Variants in DNAJC2 observed in about 807,000 individuals in gnomAD.
The protein encoded by DNAJC2 is dnaJ homolog subfamily C member 2.
Under a neutral mutation model 94.0 loss-of-function variants are expected in DNAJC2, and 32 were observed. The ratio of observed to expected loss-of-function variants is 0.34; its 90% CI spans 0.26 to 0.46. DNAJC2 has a LOEUF of 0.46. DNAJC2 is among the 20% of genes least tolerant of loss of function. DNAJC2 has a pLI of 1.00. For synonymous variants in DNAJC2, 210 were observed against 229.7 expected (o/e 0.91, Z 0.77); for missense variants, 550 against 719.5 (o/e 0.76, Z 2.69).
In DNAJC2 at chr7:103,330,351, A is replaced by C. The variant is rs531257752; in HGVS notation, c.332-2597T>G. Among the ~76,000 whole-genome samples, 5 of 152,126 alleles carry C rather than the reference A, an allele frequency of 3.3e-5. No individual in the cohort carries two copies. In the South Asian group the frequency reaches 1.0e-3, roughly 32 times the overall value. On this transcript the variant is annotated intron_variant, in intron 3 of 16. Transcript: ENST00000379263. ...CTCAGGCTGGAGCACAGTGGCACCC[A>C]ATCTCAGCTCACTGTAGTCTTAACC...
chr7:103,330,964 A>ATTTT (rs1040881184), intron 3 of DNAJC2, among the ~76,000 whole-genome samples: 1 of 139,306 alleles, frequency 7.2e-6, no homozygotes. Context: ...AACAAAATCC[A>ATTTT]TTTTTTTTTT....
At position 103,322,812 on chromosome 7, in the gene DNAJC2, T is replaced by G. The variant is rs779658631; in HGVS notation, c.720-18A>C. Reference sequence around the variant, plus strand: ...CATCACGACTATAAAATAGAAAATATTGGAAACAAACTACTGCTTATAGAT... The same window carrying G: ...CATCACGACTATAAAATAGAAAATAGTGGAAACAAACTACTGCTTATAGAT... On this transcript the variant is annotated intron_variant, in intron 7 of 16. Transcript: ENST00000379263. 2 of 1,583,680 alleles carry G rather than the reference T, an allele frequency of 1.3e-6. No individual in the cohort carries two copies. The highest frequency in any genetic ancestry group is 1.7e-6 in the Non-Finnish European group (2 of 1,165,378).
chr7:103,322,352 G>T (rs531378430), intron 9 of DNAJC2, among the ~76,000 whole-genome samples, 159 bp downstream of exon 9: 1 of 152,186 alleles, frequency 6.6e-6, no homozygotes, highest in South Asian at 2.1e-4. Flanking sequence ...TGGTAAGGAA[G>T]ATCTCTCAAT....
At chr7:103,314,421 G>A in intron 15 of DNAJC2, 5 of 985,338 alleles carry the variant, frequency 5.1e-6, no homozygotes, top group Non-Finnish European at 6.0e-6. Context: ...TACCCACATA[G>A]CACTACTGCC....
chr7:103,343,085 C>T (rs1012118936), intron 1 of DNAJC2, among the ~76,000 whole-genome samples: 49 of 151,892 alleles, frequency 3.2e-4, no homozygotes, highest in African/African-American at 1.1e-3. Flanking sequence ...CTGCAACCTC[C>T]GCCTCCCGGG....
At chr7:103,312,911 A>G (rs761880447) in intron 16 of DNAJC2, 36 bp downstream of exon 16, 2 of 1,587,566 alleles carry the variant, frequency 1.3e-6, no homozygotes, top group South Asian at 2.3e-5. Context: ...GCTACAATTT[A>G]AAATACAACA....
chr7:103,335,245 GA>G (rs1361002572), intron 3 of DNAJC2: 8 of 152,296 alleles, frequency 5.3e-5, no homozygotes, highest in African/African-American at 1.9e-4. Flanking sequence ...AATGGTACCA[GA>G]TTTACATTTT....
intron 15 of DNAJC2, among the ~76,000 whole-genome samples, chr7:103,315,356 A>G (rs544308162): frequency 4.6e-5 from 7 of 152,284 alleles, no homozygotes; most frequent in African/African-American, 1.4e-4. Context: ...ACTTTGAACC[A>G]TAAGTTACAG....
intron 3 of DNAJC2, among the ~76,000 whole-genome samples, chr7:103,334,561 T>C (rs982098375): frequency 6.6e-6 from 1 of 150,598 alleles, no homozygotes; most frequent in Non-Finnish European, 1.5e-5. Context: ...GGATAACAGT[T>C]AGACTCCGTC....
chr7:103,319,573 C>T, intron 12 of DNAJC2, 36 bp downstream of exon 12: 1 of 1,597,420 alleles, frequency 6.3e-7, no homozygotes. Context: ...GAATTAAATG[C>T]TACATATAGG....
At chr7:103,320,762 CATATATATAT>C (rs71519145) in intron 10 of DNAJC2, 3 of 135,930 alleles carry the variant, frequency 2.2e-5, no homozygotes, top group Non-Finnish European at 4.5e-5. Context: ...TATATATACA[CATATATATAT>C]ATATATATAT....
intron 15 of DNAJC2, chr7:103,313,637 G>A (rs1817882184): frequency 1.0e-6 from 1 of 985,412 alleles, no homozygotes; most frequent in Non-Finnish European, 1.2e-6. Context: ...GCTGAGATTA[G>A]ATTGTGTTGT....
intron 14 of DNAJC2, 36 bp downstream of exon 14, chr7:103,315,952 G>C: frequency 6.5e-7 from 1 of 1,534,252 alleles, no homozygotes; most frequent in East Asian, 2.3e-5. Flanking sequence ...TTAAAAATAG[G>C]TGTTTAAAGT....
chr7:103,327,942 CAG>C (rs1445355938), intron 3 of DNAJC2, among the ~76,000 whole-genome samples, 188 bp from the exon 4 acceptor site: 1 of 152,110 alleles, frequency 6.6e-6, no homozygotes, highest in African/African-American at 2.4e-5. Flanking sequence ...TTTTTTGAGA[CAG>C]AGTTTTGCTC....
In DNAJC2 at chr7:103,341,992, G is replaced by T. The variant is rs771506100; in HGVS notation, c.65-38C>A. On this transcript the variant is annotated intron_variant, in intron 1 of 16. Transcript: ENST00000379263. ...GTGTTAAGAGAGGCTTCAGTGTATC[G>T]CATGGAATAAATATGTTTCAAGGCA... 4.2e-6 allele frequency: 6 copies of T among 1,433,702 alleles called. No homozygotes were observed. The South Asian group carries it at 4.5e-5, about 11-fold the overall frequency. The allele number at this position is 1,433,702 out of a possible 1,614,324, so 88.8% of individuals were successfully genotyped here. A position where few individuals can be genotyped will look rare whatever the true frequency, so the allele number is the denominator to read the frequency against.
chr7:103,313,237 A>G (rs907362551), intron 15 of DNAJC2, 136 bp from the exon 16 acceptor site: 26 of 1,433,228 alleles, frequency 1.8e-5, no homozygotes, highest in Non-Finnish European at 1.5e-5. Flanking sequence ...TAGAGATGAG[A>G]GATACATATA....
chr7:103,343,499 T>C (rs901406593), intron 1 of DNAJC2, among the ~76,000 whole-genome samples: 1 of 152,198 alleles, frequency 6.6e-6, no homozygotes, highest in African/African-American at 2.4e-5. Flanking sequence ...AGTGGCTATG[T>C]GACCTGAAAT....
chr7:103,337,458 T>C (rs1819218451), intron 3 of DNAJC2: 1 of 300,658 alleles, frequency 3.3e-6, no homozygotes, highest in Non-Finnish European at 6.1e-6. Context: ...AAGTATTATT[T>C]TTTAAAAGCT....
intron 4 of DNAJC2, chr7:103,327,365 A>G (rs751943837): frequency 7.9e-7 from 1 of 1,271,686 alleles, no homozygotes; most frequent in South Asian, 1.3e-5. Context: ...TCTGATAAGA[A>G]TCACCTGGGG....
Sources: allele counts gnomAD v4.1 joint callset (sites outside exome capture counted in the v4.1 genomes callset), GRCh38; gene constraint gnomAD v4.1.1; transcripts MANE v1.5; gene names NCBI Gene and HGNC (gene_info 2026-07-23, HGNC 2026-07-21).